FGF7: variants seen among roughly 807,000 people sequenced by gnomAD.
The protein encoded by FGF7 is FGF-7.
FGF7 carries 6 observed loss-of-function variants against 20.5 expected under a neutral mutation model. That is an observed-to-expected ratio of 0.29 (90% CI 0.16 to 0.58). FGF7 has a LOEUF of 0.58. Ranked by LOEUF, FGF7 falls within the 20% of genes least tolerant of loss-of-function variation. FGF7 has a pLI of 0.90. For synonymous variants in FGF7, 64 were observed against 74.7 expected (o/e 0.86, Z 0.74); for missense variants, 144 against 228.8 (o/e 0.63, Z 2.39).
At chr15:49,454,304 T>C (rs1469550965) in intron 2 of FGF7, among the ~76,000 whole-genome samples, 1 of 152,190 alleles carries the variant, frequency 6.6e-6, no homozygotes, top group Non-Finnish European at 1.5e-5. Context: ...TCTTGTGCAT[T>C]TTCTTCTCTT....
chr15:49,473,281 T>A (rs1028697234), intron 2 of FGF7, among the ~76,000 whole-genome samples: 13 of 152,150 alleles, frequency 8.5e-5, no homozygotes, highest in African/African-American at 3.1e-4. Flanking sequence ...ATTATATAAA[T>A]AAGTTCATTC....
At chr15:49,431,358 C>T (rs2050602672) in intron 2 of FGF7, among the ~76,000 whole-genome samples, 2 of 151,704 alleles carry the variant, frequency 1.3e-5, no homozygotes, top group African/African-American at 4.8e-5. Context: ...GTAGAGAAGT[C>T]GTGTCAAATT....
At chr15:49,429,158 C>A (rs1337473628) in intron 2 of FGF7, among the ~76,000 whole-genome samples, 1 of 151,910 alleles carries the variant, frequency 6.6e-6, no homozygotes, top group Non-Finnish European at 1.5e-5. Context: ...GTAAGGACAA[C>A]CCCTGCCTTT....
intron 2 of FGF7, among the ~76,000 whole-genome samples, chr15:49,473,561 G>A (rs1302303857): frequency 6.6e-6 from 1 of 152,088 alleles, no homozygotes; most frequent in Non-Finnish European, 1.5e-5. Context: ...AGAAAATATT[G>A]TGACAATCAT....
chr15:49,437,230 A>T (rs2051189948), intron 2 of FGF7, among the ~76,000 whole-genome samples: 1 of 151,598 alleles, frequency 6.6e-6, no homozygotes, highest in Non-Finnish European at 1.5e-5. Context: ...ACTTAGTCAT[A>T]TTTAGGAATG....
intron 2 of FGF7, among the ~76,000 whole-genome samples, chr15:49,451,891 G>T (rs75474850): frequency 0.023 from 3,524 of 152,174 alleles, 87 homozygotes; most frequent in South Asian, 0.13. Flanking sequence ...TTTACATGCG[G>T]TTCTTCCAGT....
chr15:49,470,097 G>C (rs558174774), intron 2 of FGF7, among the ~76,000 whole-genome samples: 1 of 152,122 alleles, frequency 6.6e-6, no homozygotes, highest in African/African-American at 2.4e-5. Context: ...TTCTAATGTT[G>C]CTCCATCTTT....
Position 49,479,833 on chromosome 15 carries a change from T to C in FGF7, c.287-3318T>C, listed in dbSNP as rs552058899. 3.3e-5 allele frequency among the ~76,000 whole-genome samples: 5 copies of C among 152,152 alleles called. No individual in the cohort carries two copies. The East Asian group carries it at 9.7e-4, about 30-fold the overall frequency. ...TTCACCATATTTGCCAGGCTGGTCT[T>C]GAACTCCTGACCTCAGGTGATCCAC... On this transcript the variant is annotated intron_variant, in intron 2 of 3. Transcript: ENST00000267843.
intron 2 of FGF7, among the ~76,000 whole-genome samples, chr15:49,460,174 C>T (rs1433307959): frequency 2.0e-5 from 3 of 152,016 alleles, no homozygotes; most frequent in African/African-American, 4.8e-5. Flanking sequence ...AAAAGTGATA[C>T]TATTTTTCCT....
At chr15:49,465,497 A>G (rs897652599) in intron 2 of FGF7, among the ~76,000 whole-genome samples, 2 of 152,136 alleles carry the variant, frequency 1.3e-5, no homozygotes, top group Non-Finnish European at 2.9e-5. Flanking sequence ...TATCTTACAG[A>G]GTACATAGAA....
chr15:49,455,183 C>T (rs561655716), intron 2 of FGF7, among the ~76,000 whole-genome samples: 4 of 152,254 alleles, frequency 2.6e-5, no homozygotes, highest in African/African-American at 9.6e-5. Context: ...ATGTGACAGG[C>T]ACCTCAAGTC....
chr15:49,468,973 T>C (rs893788161), intron 2 of FGF7, among the ~76,000 whole-genome samples: 2 of 152,200 alleles, frequency 1.3e-5, no homozygotes, highest in African/African-American at 4.8e-5. Context: ...CTAAAGGTCA[T>C]TTGCTTATGT....
Position 49,463,565 on chromosome 15 carries a change from A to T in FGF7, c.287-19586A>T, listed in dbSNP as rs552784199. Among the ~76,000 whole-genome samples, 241 of 151,880 alleles carry T rather than the reference A, an allele frequency of 1.6e-3. 5 individuals carry two copies. The highest frequency in any genetic ancestry group is 5.3e-3 in the African/African-American group (220 of 41,390). On this transcript the variant is annotated intron_variant, in intron 2 of 3. Transcript: ENST00000267843. Reference sequence around the variant, plus strand: ...GATTCCGTCTCAAAAAAAAAAAAAAAATATCCAAACTCAACTAGCTGCATA... The same window carrying T: ...GATTCCGTCTCAAAAAAAAAAAAAATATATCCAAACTCAACTAGCTGCATA...
intron 2 of FGF7, among the ~76,000 whole-genome samples, chr15:49,432,461 A>G (rs1306352674): frequency 2.0e-5 from 3 of 151,668 alleles, no homozygotes; most frequent in African/African-American, 7.3e-5. Flanking sequence ...AAGAGTATAC[A>G]TGATTTCTTA....
chr15:49,456,065 A>T (rs17479205), intron 2 of FGF7, among the ~76,000 whole-genome samples: 30,337 of 152,106 alleles, frequency 0.2, 3,283 homozygotes, highest in South Asian at 0.34. Flanking sequence ...CACTTCTGCC[A>T]TTCACTAACT....
intron 2 of FGF7, among the ~76,000 whole-genome samples, chr15:49,475,677 G>A (rs1374330726): frequency 6.6e-6 from 1 of 151,908 alleles, no homozygotes; most frequent in African/African-American, 2.4e-5. Context: ...TCCCAAGAAT[G>A]TACACAATTT....
intron 2 of FGF7, among the ~76,000 whole-genome samples, chr15:49,438,868 AAAGAT>A (rs2051350022): frequency 1.3e-5 from 2 of 151,654 alleles, no homozygotes; most frequent in African/African-American, 4.8e-5. Flanking sequence ...TGAGAGAAGG[AAAGAT>A]AAGAGAGAGG....
At chr15:49,459,726 T>A (rs1166150395) in intron 2 of FGF7, among the ~76,000 whole-genome samples, 2 of 152,182 alleles carry the variant, frequency 1.3e-5, no homozygotes, top group African/African-American at 4.8e-5. Flanking sequence ...AAAACCAGGC[T>A]ATAGTTCATG....
In FGF7 at chr15:49,424,114, G is replaced by A. The variant is rs928617943; in HGVS notation, c.-184G>A. ...GGATTTATCAACAGAGTTATTTAAGGAGGAATCCTGTGTTGTTATCAGGAA... is the reference window on the plus strand; with the variant it reads ...GGATTTATCAACAGAGTTATTTAAGAAGGAATCCTGTGTTGTTATCAGGAA... On this transcript the variant is annotated 5_prime_UTR_variant, in exon 2 of 4. Transcript: ENST00000267843. 2.0e-6 allele frequency: 1 copy of A among 489,582 alleles called. No individual in the cohort carries two copies. Among genetic ancestry groups the A allele is most frequent in the Admixed American group, 3.4e-5 (1 of 28,994 alleles). 30.3% of individuals were successfully genotyped at this position (489,582 alleles called of 1,614,324 possible).
Sources: gnomAD v4.1 joint callset for allele counts (sites outside exome capture counted in the v4.1 genomes callset) on GRCh38, gnomAD v4.1.1 for gene constraint, MANE v1.5 for transcripts, NCBI Gene and HGNC (gene_info 2026-07-23, HGNC 2026-07-21) for gene names.